The following NEO1 variants were observed in gnomAD, a reference collection of about 807,000 sequenced individuals.
NEO1 encodes the protein neogenin 1.
NEO1 carries 63 observed loss-of-function variants against 159.7 expected under a neutral mutation model. That is an observed-to-expected ratio of 0.39 (90% CI 0.32 to 0.49). The LOEUF (loss-of-function observed/expected upper bound fraction) is 0.49, where lower values mean the gene tolerates loss of function less well. NEO1 is among the 20% of genes least tolerant of loss of function. The pLI is 0.85. For missense variants in NEO1, 1,615 were observed against 1,831.0 expected (o/e 0.88, Z 2.15); for synonymous variants, 633 against 662.0 (o/e 0.96, Z 0.67).
intron 7 of NEO1, among the ~76,000 whole-genome samples, chr15:73,193,033 A>G (rs1324978028): frequency 2.6e-5 from 4 of 152,080 alleles, no homozygotes; most frequent in Admixed American, 1.3e-4. Context: ...ACAAAATGCT[A>G]TAGGAGAAAA....
At chr15:73,294,687 A>G (rs1041890989) in intron 26 of NEO1, among the ~76,000 whole-genome samples, 8 of 152,046 alleles carry the variant, frequency 5.3e-5, no homozygotes, top group Non-Finnish European at 1.2e-4. Flanking sequence ...TTACAGGCAC[A>G]CACCACCACA....
chr15:73,243,063 C>T (rs144476890), intron 8 of NEO1, among the ~76,000 whole-genome samples: 230 of 152,044 alleles, frequency 1.5e-3, no homozygotes, highest in South Asian at 2.9e-3. Flanking sequence ...GAGATTTAGC[C>T]GAAGAGAAAA....
At chr15:73,154,272 G>A (rs953113836) in intron 5 of NEO1, among the ~76,000 whole-genome samples, 37 of 151,838 alleles carry the variant, frequency 2.4e-4, no homozygotes, top group Non-Finnish European at 1.5e-4. Context: ...ATATTTTGAC[G>A]CTGGCATACA....
chr15:73,116,949 T>C, intron 2 of NEO1, 92 bp downstream of exon 2: 1 of 1,022,098 alleles, frequency 9.8e-7, no homozygotes, highest in South Asian at 1.7e-5. Context: ...TTTCTTTTAA[T>C]TAGTAGCAAC....
chr15:73,302,082 T>C (rs1367950008), intron 28 of NEO1, among the ~76,000 whole-genome samples: 3 of 152,238 alleles, frequency 2.0e-5, no homozygotes, highest in African/African-American at 7.2e-5. Flanking sequence ...ATTGTTCTTT[T>C]CTTGGTTTGA....
At position 73,081,448 on chromosome 15, in the gene NEO1, A is replaced by T. The variant is rs1010416156; in HGVS notation, c.130+28643A>T. 2.0e-5 allele frequency among the ~76,000 whole-genome samples: 3 copies of T among 152,246 alleles called. No homozygotes were observed. In the East Asian group the frequency reaches 5.8e-4, roughly 29 times the overall value. The stretch of plus-strand genomic sequence containing the variant: ...GGTTAACTGGCTCAGGTTCAAATAC[A>T]GTTAAAATTATTTTACTTTTCCTAA... On this transcript the variant is annotated intron_variant, in intron 1 of 28. Transcript: ENST00000261908.
intron 5 of NEO1, among the ~76,000 whole-genome samples, chr15:73,169,855 T>C (rs556047950): frequency 8.6e-5 from 13 of 151,924 alleles, no homozygotes; most frequent in African/African-American, 1.4e-4. Context: ...AATAAGAGGA[T>C]TGGGGACAAA....
At chr15:73,222,240 G>A (rs1179340356) in intron 7 of NEO1, among the ~76,000 whole-genome samples, 1 of 151,156 alleles carries the variant, frequency 6.6e-6, no homozygotes, top group African/African-American at 2.4e-5. Flanking sequence ...GAATAGCTGG[G>A]ACTACAGGCA....
chr15:73,146,626 A>G (rs2032920838), intron 5 of NEO1, among the ~76,000 whole-genome samples: 1 of 152,166 alleles, frequency 6.6e-6, no homozygotes, highest in Admixed American at 6.5e-5. Flanking sequence ...AGTTATGTAA[A>G]TTTATTCTGA....
intron 1 of NEO1, among the ~76,000 whole-genome samples, chr15:73,084,200 A>G: frequency 6.6e-6 from 1 of 152,112 alleles, no homozygotes; most frequent in Non-Finnish European, 1.5e-5. Context: ...AGAATATAAT[A>G]CATTGTTATA....
intron 3 of NEO1, among the ~76,000 whole-genome samples, chr15:73,125,130 A>G (rs2030014163): frequency 6.6e-6 from 1 of 152,218 alleles, no homozygotes; most frequent in Non-Finnish European, 1.5e-5. Flanking sequence ...ATCTGAAACG[A>G]AAACATAATG....
At chr15:73,199,138 A>G (rs1012687427) in intron 7 of NEO1, among the ~76,000 whole-genome samples, 12 of 150,624 alleles carry the variant, frequency 8.0e-5, no homozygotes, top group Non-Finnish European at 1.3e-4. Context: ...ATCAGTTTTG[A>G]GGAGCATTGG....
chr15:73,150,532 A>G (rs1448958820), intron 5 of NEO1, among the ~76,000 whole-genome samples: 1 of 152,158 alleles, frequency 6.6e-6, no homozygotes, highest in African/African-American at 2.4e-5. Flanking sequence ...ATATTAATCA[A>G]TCTAAATTTT....
intron 5 of NEO1, among the ~76,000 whole-genome samples, chr15:73,173,683 C>G (rs1421864634): frequency 6.6e-6 from 1 of 152,032 alleles, no homozygotes; most frequent in Non-Finnish European, 1.5e-5. Context: ...ACAATAGATG[C>G]CTTAAGTTAA....
chr15:73,194,639 C>G (rs7166661), intron 7 of NEO1, among the ~76,000 whole-genome samples: 2,179 of 152,272 alleles, frequency 0.014, 54 homozygotes, highest in African/African-American at 0.049. Flanking sequence ...CACAAACACT[C>G]TCCACTAGGC....
chr15:73,075,453 G>T (rs560823811), intron 1 of NEO1, among the ~76,000 whole-genome samples: 1 of 152,262 alleles, frequency 6.6e-6, no homozygotes, highest in Admixed American at 6.5e-5. Context: ...GATGAGTGGT[G>T]CACTTTTATG....
intron 4 of NEO1, among the ~76,000 whole-genome samples, chr15:73,132,067 T>C (rs1397069071): frequency 6.6e-6 from 1 of 152,228 alleles, no homozygotes; most frequent in Non-Finnish European, 1.5e-5. Flanking sequence ...TTTGTAGAGT[T>C]ATCTTCTATG....
intron 1 of NEO1, among the ~76,000 whole-genome samples, chr15:73,084,789 GTGTGTGTGTTTAA>G (rs1371684263): frequency 1.3e-3 from 200 of 152,072 alleles, no homozygotes; most frequent in East Asian, 3.5e-3. Flanking sequence ...TTTTGTGTGT[GTGTGTGTGTTTAA>G]TGTGTGTGTG....
At chr15:73,211,113 A>G (rs1313652763) in intron 7 of NEO1, among the ~76,000 whole-genome samples, 4 of 152,222 alleles carry the variant, frequency 2.6e-5, no homozygotes, top group Non-Finnish European at 2.9e-5. Flanking sequence ...AATTATTGTA[A>G]TATCTTAAAA....
Sources: gnomAD v4.1 joint callset for allele counts (sites outside exome capture counted in the v4.1 genomes callset) on GRCh38, gnomAD v4.1.1 for gene constraint, MANE v1.5 for transcripts, NCBI Gene and HGNC (gene_info 2026-07-23, HGNC 2026-07-21) for gene names.